BUB1B: variants seen among roughly 807,000 people sequenced by gnomAD.
BUB1B encodes BUB1 mitotic checkpoint serine/threonine kinase B.
A neutral mutation model predicts 137.7 loss-of-function variants in BUB1B; 86 were observed. That is an observed-to-expected ratio of 0.62 (90% CI 0.52 to 0.75). BUB1B has a LOEUF of 0.75. Ranked by LOEUF, BUB1B falls within the 30% of genes least tolerant of loss-of-function variation. BUB1B has a pLI of 0.00. For missense variants in BUB1B, 1,130 were observed against 1,236.9 expected, an observed-to-expected ratio of 0.91 and a Z score of 1.30; for synonymous variants, 420 against 417.9, an observed-to-expected ratio of 1.00 and a Z score of -0.06.
chr15:40,176,435 A>G (rs1355549591), intron 4 of BUB1B, 42 bp from the exon 5 acceptor site: 1 of 1,569,162 alleles, frequency 6.4e-7, no homozygotes, highest in South Asian at 1.1e-5. Context: ...GGCATTCAAT[A>G]CGTGAGTAGA....
intron 8 of BUB1B, among the ~76,000 whole-genome samples, chr15:40,188,707 C>T (rs947591091): frequency 3.3e-5 from 5 of 151,112 alleles, no homozygotes; most frequent in South Asian, 2.1e-4. Context: ...CTCAGCCACC[C>T]GAGTAGCTGG....
At chr15:40,189,119 C>G (rs1231341168) in intron 8 of BUB1B, among the ~76,000 whole-genome samples, 1 of 151,980 alleles carries the variant, frequency 6.6e-6, no homozygotes, top group Middle Eastern at 3.2e-3. Context: ...CTAGACATCT[C>G]GTGTAAATAA....
At chr15:40,169,249 C>G (rs370357384) in intron 2 of BUB1B, among the ~76,000 whole-genome samples, 2 of 151,936 alleles carry the variant, frequency 1.3e-5, no homozygotes, top group African/African-American at 4.8e-5. Context: ...TAGTATTATT[C>G]TTCTCTGACC....
chr15:40,170,833 T>C (rs1324322174), intron 4 of BUB1B, 152 bp downstream of exon 4: 15 of 799,486 alleles, frequency 1.9e-5, no homozygotes, highest in Non-Finnish European at 3.0e-5. Context: ...ACTTCTTAAA[T>C]TGGTTCTACT....
At chr15:40,207,341 C>T (rs1191558412) in intron 15 of BUB1B, among the ~76,000 whole-genome samples, 6 of 152,156 alleles carry the variant, frequency 3.9e-5, no homozygotes, top group African/African-American at 1.2e-4. Context: ...CAGTGGCTCA[C>T]CTCTGTAATC....
At chr15:40,181,118 G>C (rs1047893247) in intron 5 of BUB1B, among the ~76,000 whole-genome samples, 8 of 146,180 alleles carry the variant, frequency 5.5e-5, no homozygotes, top group African/African-American at 1.5e-4. Flanking sequence ...TTTAGACAGA[G>C]TCTAGCTCTG....
chr15:40,186,744 C>A (rs1210785137), intron 8 of BUB1B, among the ~76,000 whole-genome samples: 1 of 151,768 alleles, frequency 6.6e-6, no homozygotes, highest in Non-Finnish European at 1.5e-5. Flanking sequence ...TGCGCCCAGC[C>A]CTAGTCCTAA....
intron 5 of BUB1B, among the ~76,000 whole-genome samples, chr15:40,181,315 T>C (rs956568849): frequency 6.6e-6 from 1 of 151,936 alleles, no homozygotes; most frequent in Non-Finnish European, 1.5e-5. Flanking sequence ...GGTCTCCAAC[T>C]CCCAATCTCA....
intron 8 of BUB1B, among the ~76,000 whole-genome samples, chr15:40,194,146 C>G (rs1318096286): frequency 2.0e-5 from 3 of 151,944 alleles, no homozygotes; most frequent in African/African-American, 7.3e-5. Flanking sequence ...TTACATGCTG[C>G]CTTGAGATGT....
At chr15:40,170,341 C>G (rs1388463304) in intron 3 of BUB1B, among the ~76,000 whole-genome samples, 196 bp from the exon 4 acceptor site, 5 of 152,180 alleles carry the variant, frequency 3.3e-5, no homozygotes, top group Non-Finnish European at 7.3e-5. Context: ...CCTTCTATCC[C>G]TATCCTCAGT....
At chr15:40,168,257 C>G (rs1319707966) in intron 2 of BUB1B, among the ~76,000 whole-genome samples, 1 of 152,038 alleles carries the variant, frequency 6.6e-6, no homozygotes, top group Non-Finnish European at 1.5e-5. Context: ...ATCCCAGCTA[C>G]TCGGGAGGCT....
chr15:40,183,681 C>T (rs766311361), intron 5 of BUB1B, 33 bp from the exon 6 acceptor site: 2 of 1,609,218 alleles, frequency 1.2e-6, no homozygotes, highest in Admixed American at 1.7e-5. Context: ...ATAGTGGTCA[C>T]CTCACTAAAA....
intron 5 of BUB1B, among the ~76,000 whole-genome samples, chr15:40,180,154 TCTC>T (rs551904588): frequency 6.8e-4 from 104 of 151,864 alleles, no homozygotes; most frequent in African/African-American, 2.4e-3. Flanking sequence ...GTCAATTAAT[TCTC>T]CTAGTTTTTC....
Position 40,182,535 on chromosome 15 carries a change from G to T in BUB1B, c.582-1179G>T, listed in dbSNP as rs372839755. Among the ~76,000 whole-genome samples the T allele has an allele frequency of 5.3e-5, 8 of 152,274 alleles. No individual in the cohort carries two copies. The South Asian group carries it at 1.4e-3, about 28-fold the overall frequency. ...CTGTGTTGCTTTGGGTCTGTCCCAT[G>T]CATGTCCTGCTTAAGGGTTAATCTG... On this transcript the variant is annotated intron_variant, in intron 5 of 22. Transcript: ENST00000287598.
Position 40,176,524 on chromosome 15 carries a change from C to T in BUB1B, c.432C>T (p.Asn144=). 5 of 1,614,096 alleles carry T rather than the reference C, an allele frequency of 3.1e-6. No homozygotes were observed. The highest frequency in any genetic ancestry group is 3.4e-6 in the Non-Finnish European group (4 of 1,180,010). The change falls in exon 5 of 23, where the codon AAC becomes AAT. Residue 144 remains asparagine, a synonymous_variant. Coordinates refer to ENST00000287598, the MANE Select transcript of BUB1B (RefSeq NM_001211.6). The part of the protein sequence containing the change: ...EPLDMYSYLH[N]QGIGVSLAQF... ...TGGATATGTACAGTTACTTGCACAA[C>T]CAAGGGATTGGTGTTTCACTTGCTC...
At chr15:40,216,771 T>C (rs1231137101) in intron 20 of BUB1B, among the ~76,000 whole-genome samples, 1 of 151,522 alleles carries the variant, frequency 6.6e-6, no homozygotes, top group African/African-American at 2.4e-5. Context: ...GGGAATTAAT[T>C]GAGAAAAACA....
chr15:40,180,642 C>CTTTTTTTTTTTTTTTTTTTTTTT, intron 5 of BUB1B, among the ~76,000 whole-genome samples: 1 of 65,836 alleles, frequency 1.5e-5, no homozygotes, highest in Non-Finnish European at 2.7e-5. Flanking sequence ...TTTTCTTTTT[C>CTTTTTTTTTTTTTTTTTTTTTTT]TTTTTTTTTT....
At chr15:40,167,499 C>T (rs1000753145) in intron 2 of BUB1B, among the ~76,000 whole-genome samples, 2 of 151,874 alleles carry the variant, frequency 1.3e-5, no homozygotes, top group Non-Finnish European at 2.9e-5. Flanking sequence ...CGCACCACCA[C>T]GCCTGGCTAA....
intron 18 of BUB1B, among the ~76,000 whole-genome samples, chr15:40,211,888 T>C (rs2037717111): frequency 6.6e-6 from 1 of 152,112 alleles, no homozygotes; most frequent in African/African-American, 2.4e-5. Flanking sequence ...AATGGCATGA[T>C]TTTGGCTCAC....
Sources: allele counts gnomAD v4.1 joint callset (sites outside exome capture counted in the v4.1 genomes callset), GRCh38; gene constraint gnomAD v4.1.1; transcripts MANE v1.5; gene names NCBI Gene and HGNC (gene_info 2026-07-23, HGNC 2026-07-21).